CEP126: variants seen among roughly 807,000 people sequenced by gnomAD.
The protein encoded by CEP126 is centrosomal protein of 126 kDa.
In CEP126, 74 loss-of-function variants were observed where a neutral mutation model predicts 107.8. That is an observed-to-expected ratio of 0.69 (90% confidence interval 0.57 to 0.83). The LOEUF (loss-of-function observed/expected upper bound fraction) is 0.83, where lower values mean the gene tolerates loss of function less well. Among genes scored for constraint, CEP126 ranks in the 40% least tolerant of loss-of-function variants. CEP126 has a pLI of 0.00. For synonymous variants in CEP126, 449 were observed against 446.0 expected (o/e 1.01, Z -0.08); for missense variants, 1,237 against 1,281.9 (o/e 0.96, Z 0.53).
chr11:101,993,274 A>T (rs957087014), intron 10 of CEP126, among the ~76,000 whole-genome samples: 9 of 152,056 alleles, frequency 5.9e-5, no homozygotes, highest in African/African-American at 2.2e-4. Context: ...TGTGTACTCA[A>T]TGTTTAGCTC....
intron 2 of CEP126, among the ~76,000 whole-genome samples, chr11:101,928,425 G>A (rs1007745648): frequency 3.9e-5 from 6 of 152,092 alleles, no homozygotes; most frequent in Non-Finnish European, 8.8e-5. Context: ...GTAAAGTCTA[G>A]GAACTCTTTG....
chr11:101,986,458 T>G (rs1252650611), intron 8 of CEP126, among the ~76,000 whole-genome samples: 8 of 152,226 alleles, frequency 5.3e-5, no homozygotes, highest in Admixed American at 4.6e-4. Flanking sequence ...TTGGTCTTAC[T>G]TTGTTATAAT....
chr11:101,982,806 C>T (rs1277089975), intron 8 of CEP126, among the ~76,000 whole-genome samples: 1 of 152,046 alleles, frequency 6.6e-6, no homozygotes, highest in East Asian at 1.9e-4. Flanking sequence ...AAAAATGCTC[C>T]AAAATCCAAA....
Position 101,940,792 on chromosome 11 carries a change from A to G in CEP126, c.249-3473A>G, listed in dbSNP as rs573165244. Among the ~76,000 whole-genome samples the G allele has an allele frequency of 4.3e-4, 66 of 152,286 alleles. No individual in the cohort carries two copies. The Middle Eastern group carries it at 0.01, about 24-fold the overall frequency. ...ATCTCAAAGTCACTGAAATTCTTAG[A>G]TGGGGTCTGGCTTTTCCTGGAGTGA... On this transcript the variant is annotated intron_variant, in intron 2 of 10. Transcript: ENST00000263468.
At chr11:101,981,253 G>C (rs540409711) in intron 7 of CEP126, among the ~76,000 whole-genome samples, 1 of 152,262 alleles carries the variant, frequency 6.6e-6, no homozygotes, top group East Asian at 1.9e-4. Context: ...AACCAACTAG[G>C]TTAGAAACTT....
rs766230867 is a variant in CEP126, at chr11:101,962,471, G to T, written c.1436G>T (p.Ser479Ile). The change falls in exon 6 of 11, where the codon AGT (serine) becomes ATT (isoleucine). Residue 479 changes from serine (S) to isoleucine (I), a missense_variant. Physicochemically the swap from Ser to Ile is moderately radical, Grantham distance 142. Coordinates refer to ENST00000263468, the MANE Select transcript of CEP126 (RefSeq NM_020802.4). ...TCAGCTAGACCTTCAGCAAAGAACA[G>T]TATACACATAAAAGAAATTGATGCA... ...IQSARPSAKN[S>I]IHIKEIDAVQ... is the part of the protein sequence containing the mutation. 1 of 1,613,258 alleles carries T rather than the reference G, an allele frequency of 6.2e-7. No homozygotes were observed. The highest frequency in any genetic ancestry group is 8.5e-7 in the Non-Finnish European group (1 of 1,179,724).
At chr11:101,976,836 T>G (rs1424395795) in intron 6 of CEP126, among the ~76,000 whole-genome samples, 2 of 152,216 alleles carry the variant, frequency 1.3e-5, no homozygotes, top group Non-Finnish European at 2.9e-5. Flanking sequence ...TCTTGCAAAG[T>G]CACTGTACCC....
Position 101,963,088 on chromosome 11 carries a change from G to T in CEP126, c.2053G>T (p.Asp685Tyr), listed in dbSNP as rs1941003721. ...SVSTCAVNSA[D>Y]TKKSREDSIS... ...TTCTACTTGTGCTGTAAATTCTGCT[G>T]ATACAAAGAAGTCCAGGGAGGATTC... The change falls in exon 6 of 11, where the codon GAT (aspartate) becomes TAT (tyrosine). Residue 685 changes from aspartate to tyrosine, a missense_variant. Physicochemically the swap from Asp to Tyr is radical, Grantham distance 160. Around this residue, in one of 3 missense-constraint regions of CEP126, gnomAD observed 1,134 missense variants for 1,150.5 expected, o/e 0.99. Coordinates refer to ENST00000263468, the MANE Select transcript of CEP126 (RefSeq NM_020802.4). The T allele has an allele frequency of 4.3e-6, 7 of 1,614,094 alleles. No homozygotes were observed. Among genetic ancestry groups the T allele is most frequent in the Non-Finnish European group, 5.1e-6 (6 of 1,179,992 alleles).
intron 6 of CEP126, among the ~76,000 whole-genome samples, chr11:101,974,433 A>C (rs1362638858): frequency 6.6e-6 from 1 of 152,176 alleles, no homozygotes; most frequent in Non-Finnish European, 1.5e-5. Context: ...ACAGAACTGA[A>C]ATGAAAGGGT....
At position 101,915,428 on chromosome 11, in the gene CEP126, T is replaced by C; in HGVS notation, c.128+16T>C. The stretch of plus-strand genomic sequence containing the variant: ...GCTCTTACCTGTATCCTTCCCAGCC[T>C]GTGGCTGCCAGGGTAGCGATGTTGA... On this transcript the variant is annotated intron_variant, in intron 1 of 10. Transcript: ENST00000263468. 2 of 1,596,352 alleles carry C rather than the reference T, an allele frequency of 1.3e-6. No homozygotes were observed. Among genetic ancestry groups the C allele is most frequent in the Non-Finnish European group, 1.7e-6 (2 of 1,167,854 alleles).
chr11:101,973,575 G>T (rs1044743919), intron 6 of CEP126, among the ~76,000 whole-genome samples: 5 of 152,170 alleles, frequency 3.3e-5, no homozygotes, highest in Non-Finnish European at 7.4e-5. Flanking sequence ...ATACCTAGGT[G>T]ATGGGTTGAT....
At chr11:101,971,121 C>T (rs2137119171) in intron 6 of CEP126, among the ~76,000 whole-genome samples, 1 of 152,188 alleles carries the variant, frequency 6.6e-6, no homozygotes, top group South Asian at 2.1e-4. Flanking sequence ...GTGCGCACCA[C>T]CATGCCTGGC....
At chr11:101,952,530 G>T (rs1940826091) in intron 4 of CEP126, among the ~76,000 whole-genome samples, 1 of 152,142 alleles carries the variant, frequency 6.6e-6, no homozygotes, top group Admixed American at 6.5e-5. Context: ...AATCAAAGAT[G>T]ACTCCAGAGA....
chr11:101,931,797 T>C (rs1403252298), intron 2 of CEP126, among the ~76,000 whole-genome samples: 1 of 152,216 alleles, frequency 6.6e-6, no homozygotes. Context: ...CTTCCTAGGT[T>C]CTATTGTTAA....
At chr11:101,956,095 C>A (rs1465404640) in intron 4 of CEP126, 1 of 456,746 alleles carries the variant, frequency 2.2e-6, no homozygotes, top group East Asian at 6.9e-5. Flanking sequence ...TTCCTTCTTG[C>A]CCACCTGGCC....
At chr11:101,978,552 G>A in intron 7 of CEP126, 93 bp downstream of exon 7, 1 of 738,092 alleles carries the variant, frequency 1.4e-6, no homozygotes. Flanking sequence ...GCTGTAAACT[G>A]TATACCACAA....
rs1446657524 is a variant in CEP126, at chr11:101,922,769, T to C, written c.248+9T>C. On this transcript the variant is annotated intron_variant, in intron 2 of 10. Coordinates refer to ENST00000263468, the MANE Select transcript of CEP126 (RefSeq NM_020802.4). ...TCAAATCGGAGAAAAAAGTAAGTAA[T>C]TGCACTTTATTCAGAAGTATAGAAA... is the stretch of plus-strand genomic sequence containing the variant. 2.5e-6 allele frequency: 4 copies of C among 1,604,238 alleles called. No homozygotes were observed. Among genetic ancestry groups the C allele is most frequent in the Admixed American group, 1.7e-5 (1 of 59,754 alleles).
intron 2 of CEP126, among the ~76,000 whole-genome samples, chr11:101,931,596 T>C (rs1940501718): frequency 6.6e-6 from 1 of 152,216 alleles, no homozygotes; most frequent in South Asian, 2.1e-4. Flanking sequence ...TTTATCCTTA[T>C]TTTTAATTTT....
chr11:101,987,582 A>C (rs1941329999), intron 9 of CEP126, among the ~76,000 whole-genome samples: 1 of 151,828 alleles, frequency 6.6e-6, no homozygotes, highest in Non-Finnish European at 1.5e-5. Context: ...AGATCTTTCC[A>C]CCATAAAGCT....
Sources: gnomAD v4.1 joint callset for allele counts (sites outside exome capture counted in the v4.1 genomes callset) on GRCh38, gnomAD v4.1.1 for gene constraint, gnomAD v4.1.1 regional missense constraint, MANE v1.5 for transcripts, NCBI Gene and HGNC (gene_info 2026-07-23, HGNC 2026-07-21) for gene names.